The following PXYLP1 variants were observed in gnomAD, a reference collection of about 807,000 sequenced individuals.
PXYLP1 encodes the protein acid phosphatase-like 2.
In PXYLP1, 17 loss-of-function variants were observed where a neutral mutation model predicts 37.9. That is an observed-to-expected ratio of 0.45 (90% CI 0.31 to 0.67). The LOEUF (loss-of-function observed/expected upper bound fraction) is 0.67. PXYLP1 is among the 30% of genes least tolerant of loss of function. The probability of loss-of-function intolerance (pLI) is 0.07; values close to 1 mark genes in which losing one functional copy is unlikely to be tolerated. For synonymous variants in PXYLP1, 221 were observed against 232.2 expected, an observed-to-expected ratio of 0.95 and a Z score of 0.44; for missense variants, 511 against 612.0, an observed-to-expected ratio of 0.84 and a Z score of 1.74.
chr3:141,284,984 T>C (rs989323330), intron 4 of PXYLP1, among the ~76,000 whole-genome samples: 1 of 152,170 alleles, frequency 6.6e-6, no homozygotes, highest in African/African-American at 2.4e-5. Flanking sequence ...GAGCATCTGC[T>C]ATGTGCTAAG....
intron 1 of PXYLP1, among the ~76,000 whole-genome samples, chr3:141,248,972 C>A (rs138235763): frequency 4.0e-5 from 6 of 151,790 alleles, no homozygotes; most frequent in African/African-American, 7.3e-5. Context: ...GATCTCAGCA[C>A]GTGGAGGGCT....
intron 1 of PXYLP1, among the ~76,000 whole-genome samples, chr3:141,256,580 G>T (rs1175787400): frequency 6.6e-6 from 1 of 152,196 alleles, no homozygotes; most frequent in African/African-American, 2.4e-5. Context: ...ACTCCTTGGG[G>T]TCCTAGCTTC....
At chr3:141,290,290 G>C (rs1207725063) in intron 5 of PXYLP1, among the ~76,000 whole-genome samples, 2 of 152,352 alleles carry the variant, frequency 1.3e-5, no homozygotes, top group African/African-American at 4.8e-5. Flanking sequence ...GCCAGATACT[G>C]CAGGGCCTTA....
intron 2 of PXYLP1, among the ~76,000 whole-genome samples, chr3:141,269,453 G>T (rs1576594288): frequency 6.8e-6 from 1 of 147,620 alleles, no homozygotes; most frequent in East Asian, 2.1e-4. Flanking sequence ...ATTTTATGAT[G>T]AACTCATGTT....
At chr3:141,239,656 C>T (rs1294269699) in intron 1 of PXYLP1, among the ~76,000 whole-genome samples, 1 of 152,190 alleles carries the variant, frequency 6.6e-6, no homozygotes, top group Admixed American at 6.5e-5. Flanking sequence ...GTTCTTTTTA[C>T]TTGCTTTTTA....
chr3:141,272,166 ACT>A (rs954473310), intron 2 of PXYLP1, among the ~76,000 whole-genome samples: 1 of 152,174 alleles, frequency 6.6e-6, no homozygotes, highest in African/African-American at 2.4e-5. Flanking sequence ...GGGGAAAGAA[ACT>A]GGTGTGTCCT....
intron 1 of PXYLP1, among the ~76,000 whole-genome samples, chr3:141,253,250 G>A (rs1941185136): frequency 6.6e-6 from 1 of 152,212 alleles, no homozygotes; most frequent in African/African-American, 2.4e-5. Flanking sequence ...GTAGAGGGCT[G>A]TGGGTGCTGG....
chr3:141,290,504 C>T (rs1183154491), intron 5 of PXYLP1, among the ~76,000 whole-genome samples: 1 of 152,092 alleles, frequency 6.6e-6, no homozygotes, highest in Non-Finnish European at 1.5e-5. Context: ...TTAACTTGAC[C>T]AGGGAGAAGA....
At chr3:141,254,666 A>G (rs1235988410) in intron 1 of PXYLP1, among the ~76,000 whole-genome samples, 2 of 151,386 alleles carry the variant, frequency 1.3e-5, no homozygotes, top group African/African-American at 2.4e-5. Context: ...TATAGCTTTT[A>G]CCTTTGCTTG....
rs1214547260 is a variant in PXYLP1, at chr3:141,294,564, TTTTCTC to T, written c.*1363_*1368del. The T allele has an allele frequency of 2.0e-5, 3 of 152,192 alleles. No homozygotes were observed. Among genetic ancestry groups the T allele is most frequent in the Admixed American group, 6.5e-5 (1 of 15,272 alleles). The allele number at this position is 152,192 out of a possible 1,614,324, so 9.4% of individuals were successfully genotyped here. On this transcript the variant is annotated 3_prime_UTR_variant, in exon 6 of 6. Coordinates refer to ENST00000286353, the MANE Select transcript of PXYLP1 (RefSeq NM_001037172.3). The stretch of plus-strand genomic sequence containing the variant: ...CTCTGTTGTCATCGGCATTCCAACT[TTTTCTC>T]TTTGTTTTTGTCCAGTGTTGCATTT...
At chr3:141,260,442 T>A (rs1326607397) in intron 2 of PXYLP1, among the ~76,000 whole-genome samples, 188 bp downstream of exon 2, 7 of 152,212 alleles carry the variant, frequency 4.6e-5, no homozygotes, top group Non-Finnish European at 1.0e-4. Context: ...TGTGTGCTCT[T>A]TTGACTTTTG....
chr3:141,257,863 C>T (rs1941296345), intron 1 of PXYLP1, among the ~76,000 whole-genome samples: 1 of 144,452 alleles, frequency 6.9e-6, no homozygotes, highest in African/African-American at 2.6e-5. Flanking sequence ...AAGATTGCAC[C>T]ACTGCACTCC....
intron 1 of PXYLP1, among the ~76,000 whole-genome samples, chr3:141,239,248 C>T (rs1335593715): frequency 6.6e-6 from 1 of 152,184 alleles, no homozygotes; most frequent in Non-Finnish European, 1.5e-5. Flanking sequence ...CAGACTGGAA[C>T]CTCTTTTGTC....
chr3:141,262,624 A>G lies in PXYLP1; in HGVS notation c.79+2370A>G, dbSNP rs1941419143. On this transcript the variant is annotated intron_variant, in intron 2 of 5. Coordinates refer to ENST00000286353, the MANE Select transcript of PXYLP1 (RefSeq NM_001037172.3). ...CATACTTTTTTAAGGAAAATTTTGC[A>G]GGGTAAATTAGCCTGTCTGGGTCTG... is the stretch of plus-strand genomic sequence containing the variant. 6.8e-6 allele frequency: 10 copies of G among 1,478,682 alleles called. No individual in the cohort carries two copies. The East Asian group carries it at 1.5e-4, about 22-fold the overall frequency. The allele number at this position is 1,478,682 out of a possible 1,614,324, so 91.6% of individuals were successfully genotyped here. A position where few individuals can be genotyped will look rare whatever the true frequency, so the allele number is the denominator to read the frequency against.
At chr3:141,258,736 C>G (rs1414012250) in intron 1 of PXYLP1, 1 of 160,454 alleles carries the variant, frequency 6.2e-6, no homozygotes, top group African/African-American at 2.4e-5. Context: ...ACCTATGTAC[C>G]TGTTACCACA....
chr3:141,278,231 T>C (rs1170878898), intron 2 of PXYLP1, 111 bp from the exon 3 acceptor site: 2 of 1,247,460 alleles, frequency 1.6e-6, no homozygotes, highest in African/African-American at 3.0e-5. Context: ...TGCACCTTGA[T>C]TCTCAGTGTA....
chr3:141,293,267 T>C lies in PXYLP1; in HGVS notation c.*62T>C. 1 of 1,455,910 alleles carries C rather than the reference T, an allele frequency of 6.9e-7. No individual in the cohort carries two copies. Among genetic ancestry groups the C allele is most frequent in the African/African-American group, 1.4e-5 (1 of 70,856 alleles). 90.2% of individuals were successfully genotyped at this position (1,455,910 alleles called of 1,614,324 possible). A position where few individuals can be genotyped will look rare whatever the true frequency, so the allele number is the denominator to read the frequency against. The stretch of plus-strand genomic sequence containing the variant: ...TACAGAGCATAGGGAAAGGTCCACT[T>C]CTAGTTTTGTCTGTTACTAAGGGTA... On this transcript the variant is annotated 3_prime_UTR_variant, in exon 6 of 6. Transcript: ENST00000286353.
rs577354873 is a variant in PXYLP1 at position 141,257,922 on chromosome 3, A to G, written c.-53-2201A>G. On this transcript the variant is annotated intron_variant, in intron 1 of 5. Coordinates refer to ENST00000286353, the MANE Select transcript of PXYLP1 (RefSeq NM_001037172.3). ...TCTGTCTCAAAAAAAAAAAAAAAAA[A>G]AAAAGAGAGAGAGAGAGAAAGAAAG... Among the ~76,000 whole-genome samples the G allele has an allele frequency of 5.8e-3, 865 of 148,820 alleles. 7 individuals are homozygous for G. The highest frequency in any genetic ancestry group is 0.022 in the African/African-American group (841 of 38,874).
At position 141,279,465 on chromosome 3, in the gene PXYLP1, CA is replaced by C; in HGVS notation, c.329del (p.Lys110SerfsTer39). The C allele has an allele frequency of 6.2e-7, 1 of 1,614,252 alleles. No homozygotes were observed. Among genetic ancestry groups the C allele is most frequent in the Non-Finnish European group, 8.5e-7 (1 of 1,180,052 alleles). ...TACCCACTGTATGTCATTCCCAAAA[CA>C]AAGCGACCAGAAATTGACTGCACTC... is the stretch of plus-strand genomic sequence containing the variant. Reference protein sequence around the residue: ...DRYPLYVIPKTKRPEIDCTLV... With the variant: ...DRYPLYVIPKXKRPEIDCTLV... On this transcript the variant is annotated frameshift_variant, in exon 4 of 6. Transcript: ENST00000286353. LOFTEE classifies it high-confidence loss of function.
Sources: gnomAD v4.1 joint callset for allele counts (sites outside exome capture counted in the v4.1 genomes callset) on GRCh38, gnomAD v4.1.1 for gene constraint, MANE v1.5 for transcripts, NCBI Gene and HGNC (gene_info 2026-07-23, HGNC 2026-07-21) for gene names.